The following SNX27 variants were observed in gnomAD, a reference collection of about 807,000 sequenced individuals.
The protein encoded by SNX27 is sorting nexin 27, also known as sorting nexin-27.
A neutral mutation model predicts 71.6 loss-of-function variants in SNX27; 22 were observed. That is an observed-to-expected ratio of 0.31 (90% CI 0.22 to 0.44). SNX27 has a LOEUF of 0.44. Ranked by LOEUF, SNX27 falls within the 20% of genes least tolerant of loss-of-function variation. The pLI is 1.00. For synonymous variants in SNX27, 269 were observed against 277.2 expected, an observed-to-expected ratio of 0.97 and a Z score of 0.29; for missense variants, 531 against 698.6, an observed-to-expected ratio of 0.76 and a Z score of 2.70.
chr1:151,616,141 T>G (rs1408818548), intron 1 of SNX27, among the ~76,000 whole-genome samples: 1 of 152,230 alleles, frequency 6.6e-6, no homozygotes, highest in Non-Finnish European at 1.5e-5. Context: ...TTGATGTGTA[T>G]GTACCTGGAG....
intron 6 of SNX27, among the ~76,000 whole-genome samples, chr1:151,667,975 T>C (rs1670285324): frequency 6.6e-6 from 1 of 152,222 alleles, no homozygotes; most frequent in Non-Finnish European, 1.5e-5. Context: ...TTTGTGTTGC[T>C]ATAAAGGAAT....
chr1:151,628,232 C>T (rs1172477637), intron 1 of SNX27, among the ~76,000 whole-genome samples: 2 of 152,074 alleles, frequency 1.3e-5, no homozygotes, highest in African/African-American at 4.8e-5. Context: ...GTGTCAAACT[C>T]CTGACCTCAG....
Position 151,683,370 on chromosome 1 carries a change from G to A in SNX27, c.1164G>A (p.Val388=). 6.2e-7 allele frequency: 1 copy of A among 1,612,788 alleles called. No individual in the cohort carries two copies. Among genetic ancestry groups the A allele is most frequent in the South Asian group, 1.1e-5 (1 of 90,784 alleles). The change falls in exon 8 of 12, where the codon GTG becomes GTA. Residue 388 remains valine (V), a synonymous_variant. Coordinates refer to ENST00000458013, the MANE Select transcript of SNX27 (RefSeq NM_001330723.2). ...TYFFHQAVDD[V]KKGYIKAEEK... ...TTTGGTGATAGGCAGTCGATGATGT[G>A]AAGAAAGGTTACATCAAAGCAGAAG...
chr1:151,681,074 T>C (rs1003904087), intron 7 of SNX27, among the ~76,000 whole-genome samples: 1 of 152,100 alleles, frequency 6.6e-6, no homozygotes, highest in Non-Finnish European at 1.5e-5. Context: ...ATGATACTAA[T>C]AATAGCTACT....
At chr1:151,648,670 T>A (rs1209128506) in intron 2 of SNX27, among the ~76,000 whole-genome samples, 2 of 152,152 alleles carry the variant, frequency 1.3e-5, no homozygotes, top group Non-Finnish European at 2.9e-5. Flanking sequence ...CTGCCCACCT[T>A]GGCCTCCCAA....
chr1:151,644,135 G>T (rs1047630838), intron 2 of SNX27, among the ~76,000 whole-genome samples: 1 of 152,106 alleles, frequency 6.6e-6, no homozygotes, highest in African/African-American at 2.4e-5. Context: ...TTCCCAAAAG[G>T]TCTCAACATC....
At chr1:151,633,401 A>G (rs1309395094) in intron 1 of SNX27, among the ~76,000 whole-genome samples, 1 of 151,980 alleles carries the variant, frequency 6.6e-6, no homozygotes, top group Admixed American at 6.6e-5. Flanking sequence ...AGGTACAAGC[A>G]ATCCTCCTAC....
At chr1:151,687,539 A>G (rs373123801) in intron 8 of SNX27, among the ~76,000 whole-genome samples, 19 of 152,190 alleles carry the variant, frequency 1.2e-4, no homozygotes, top group South Asian at 1.2e-3. Flanking sequence ...CCTTACTTCT[A>G]TTTTGGACCT....
chr1:151,646,884 C>CAT (rs1669066387), intron 2 of SNX27, among the ~76,000 whole-genome samples: 1 of 149,894 alleles, frequency 6.7e-6, no homozygotes, highest in Admixed American at 6.7e-5. Flanking sequence ...TGGACACAGA[C>CAT]ACACACACAC....
chr1:151,629,442 T>A (rs1429064179), intron 1 of SNX27: 1 of 136,034 alleles, frequency 7.4e-6, no homozygotes, highest in Non-Finnish European at 1.6e-5. Flanking sequence ...CACGCACATA[T>A]ATACACATGT....
At chr1:151,659,681 CAG>C (rs1381285099) in intron 3 of SNX27, 1 of 152,224 alleles carries the variant, frequency 6.6e-6, no homozygotes, top group African/African-American at 2.4e-5. Flanking sequence ...CTTGTTATCT[CAG>C]TGCCTCCAAA....
rs2102747320 is a variant in SNX27, at chr1:151,694,475, C to T, written c.*58C>T. The T allele has an allele frequency of 6.8e-7, 1 of 1,478,904 alleles. No homozygotes were observed. The highest frequency in any genetic ancestry group is 2.2e-5 in the Admixed American group (1 of 46,174). The allele number at this position is 1,478,904 out of a possible 1,614,324, so 91.6% of individuals were successfully genotyped here. A position where few individuals can be genotyped will look rare whatever the true frequency, so the allele number is the denominator to read the frequency against. On this transcript the variant is annotated 3_prime_UTR_variant, in exon 12 of 12. Coordinates refer to ENST00000458013, the MANE Select transcript of SNX27 (RefSeq NM_001330723.2). ...CCATCCTCTTACTCCTTTCATGTCC[C>T]ATTTCAGACAGAGTAACCATTAACA... is the stretch of plus-strand genomic sequence containing the variant.
At chr1:151,677,354 G>T (rs1220443968) in intron 7 of SNX27, 1 of 152,058 alleles carries the variant, frequency 6.6e-6, no homozygotes, top group Non-Finnish European at 1.5e-5. Flanking sequence ...AATCACCAAG[G>T]ATTTTATATT....
At position 151,612,408 on chromosome 1, in the gene SNX27, C is replaced by A; in HGVS notation, c.207C>A (p.Ser69Arg). ...TGAGCGAGGGCGGGCAACTGCGGAG[C>A]ATCAACGGGGAGCTGTACGCGCCGC... ...GQVSEGGQLR[S>R]INGELYAPLQ... Residue 69 changes from serine (S) to arginine (R), a missense_variant, in exon 1 of 12, where the codon AGC becomes AGA. By Grantham distance (110) the Ser-to-Arg change is moderately radical (BLOSUM62 -1). This residue lies in a region of SNX27 where 130 missense variants were observed against 143.5 expected (regional missense o/e 0.91). Transcript: ENST00000458013. This position sits in a 1 kb window ranked among gnomAD's most constrained non-coding sequence, Gnocchi z 5.2. The A allele has an allele frequency of 6.6e-7, 1 of 1,517,204 alleles. No homozygotes were observed. Among genetic ancestry groups the A allele is most frequent in the Non-Finnish European group, 8.8e-7 (1 of 1,134,918 alleles). 94.0% of individuals were successfully genotyped at this position (1,517,204 alleles called of 1,614,324 possible). A position where few individuals can be genotyped will look rare whatever the true frequency, so the allele number is the denominator to read the frequency against.
chr1:151,678,069 C>T (rs1670776800), intron 7 of SNX27: 1 of 151,864 alleles, frequency 6.6e-6, no homozygotes, highest in South Asian at 2.1e-4. Flanking sequence ...CTCAGTCTGC[C>T]ACCCAGGCTG....
intron 8 of SNX27, among the ~76,000 whole-genome samples, chr1:151,688,325 T>TTG (rs1671280321): frequency 1.3e-5 from 2 of 152,162 alleles, no homozygotes; most frequent in Non-Finnish European, 1.5e-5. Context: ...AATATCCTTA[T>TTG]GTAAACATGC....
chr1:151,650,837 A>AC (rs1245234063), intron 2 of SNX27, among the ~76,000 whole-genome samples: 3 of 151,764 alleles, frequency 2.0e-5, no homozygotes, highest in Non-Finnish European at 4.4e-5. Flanking sequence ...CATCTGTTTA[A>AC]CAAAGCACAT....
chr1:151,628,656 T>C (rs1264602469), intron 1 of SNX27, among the ~76,000 whole-genome samples: 1 of 152,214 alleles, frequency 6.6e-6, no homozygotes, highest in Non-Finnish European at 1.5e-5. Flanking sequence ...TATTTGGTAT[T>C]ACCAGGTTTT....
At chr1:151,677,973 A>C (rs1264708107) in intron 7 of SNX27, 3 of 152,158 alleles carry the variant, frequency 2.0e-5, no homozygotes, top group Non-Finnish European at 4.4e-5. Context: ...AGCCATTTTT[A>C]GTGTATAGTT....
Sources: gnomAD v4.1 joint callset for allele counts (sites outside exome capture counted in the v4.1 genomes callset) on GRCh38, gnomAD v4.1.1 for gene constraint, gnomAD v4.1.1 regional missense constraint, Gnocchi (gnomAD v3.1) non-coding constraint, MANE v1.5 for transcripts, NCBI Gene and HGNC (gene_info 2026-07-23, HGNC 2026-07-21) for gene names.